The following GK5 variants were observed in gnomAD, a reference collection of about 807,000 sequenced individuals.
The protein encoded by GK5 is glycerol kinase 5.
In GK5, 39 loss-of-function variants were observed where a neutral mutation model predicts 77.3. The observed-to-expected ratio is 0.50, with a 90% CI of 0.39 to 0.66. The LOEUF (loss-of-function observed/expected upper bound fraction) is 0.66. GK5 is among the 30% of genes least tolerant of loss of function. The pLI is 0.00. For missense variants in GK5, 487 were observed against 633.8 expected, an observed-to-expected ratio of 0.77 and a Z score of 2.49; for synonymous variants, 211 against 208.0, an observed-to-expected ratio of 1.01 and a Z score of -0.13.
chr3:142,204,365 T>C (rs1214044136), intron 4 of GK5: 3 of 351,782 alleles, frequency 8.5e-6, no homozygotes, highest in South Asian at 4.8e-5. Context: ...TATCTCAATA[T>C]CCATCCTGAG....
chr3:142,184,921 C>A, intron 9 of GK5: 1 of 985,466 alleles, frequency 1.0e-6, no homozygotes, highest in Non-Finnish European at 1.2e-6. Context: ...ATACCTTAAT[C>A]TAACCCTGCA....
At position 142,220,767 on chromosome 3, in the gene GK5, T is replaced by C. The variant is rs571015710; in HGVS notation, c.147+4542A>G. On this transcript the variant is annotated intron_variant, in intron 1 of 15. Coordinates refer to ENST00000392993, the MANE Select transcript of GK5 (RefSeq NM_001039547.3). ...TATGAATGAACATATGAGTGAACTA[T>C]GAGAGTGATGCCCGTAAGCAAAGGG... Among the ~76,000 whole-genome samples, 20 of 152,244 alleles carry C rather than the reference T, an allele frequency of 1.3e-4. No homozygotes were observed. The South Asian group carries it at 3.7e-3, about 28-fold the overall frequency.
chr3:142,159,853 C>CTTTTTTTTTTTTTTTTTTTTTTTTTT lies in GK5; in HGVS notation c.*5768_*5769insAAAAAAAAAAAAAAAAAAAAAAAAAA, dbSNP rs748129972. On this transcript the variant is annotated 3_prime_UTR_variant, in exon 16 of 16. Transcript: ENST00000392993. ...TTTCTCTCTCTCTCTCTCTCTCTCT[C>CTTTTTTTTTTTTTTTTTTTTTTTTTT]TTTTTTTTTTTTGAGACAGAGTCTC... 1.9e-4 allele frequency: 20 copies of CTTTTTTTTTTTTTTTTTTTTTTTTTT among 106,120 alleles called. No homozygotes were observed. The highest frequency in any genetic ancestry group is 2.6e-4 in the East Asian group (1 of 3,868). 6.6% of individuals were successfully genotyped at this position (106,120 alleles called of 1,614,324 possible).
intron 9 of GK5, chr3:142,185,105 G>A: frequency 1.0e-6 from 1 of 985,356 alleles, no homozygotes; most frequent in Non-Finnish European, 1.2e-6. Context: ...AAGGCAATGT[G>A]AAAGGACTCT....
rs1177213537 is a variant in GK5, at chr3:142,159,629, T to C, written c.*5993A>G. ...ATTTATGGCTATGAGGCTTCAAAAC[T>C]TAAAAAAAAAAAAAAGATTCCTTTT... is the stretch of plus-strand genomic sequence containing the variant. On this transcript the variant is annotated 3_prime_UTR_variant, in exon 16 of 16. Coordinates refer to ENST00000392993, the MANE Select transcript of GK5 (RefSeq NM_001039547.3). The C allele has an allele frequency of 7.5e-6, 1 of 133,132 alleles. No individual in the cohort carries two copies. The highest frequency in any genetic ancestry group is 2.2e-4 in the South Asian group (1 of 4,458). 8.2% of individuals were successfully genotyped at this position (133,132 alleles called of 1,614,324 possible).
chr3:142,176,019 T>C (rs1343206569), intron 12 of GK5, among the ~76,000 whole-genome samples: 5 of 151,970 alleles, frequency 3.3e-5, no homozygotes, highest in Non-Finnish European at 7.4e-5. Context: ...ATTATTCATC[T>C]AACCTTTTTC....
At chr3:142,176,077 G>C (rs1052211397) in intron 12 of GK5, among the ~76,000 whole-genome samples, 56 of 151,868 alleles carry the variant, frequency 3.7e-4, no homozygotes, top group African/African-American at 1.4e-3. Context: ...GACTATGATA[G>C]GTGCTATTTA....
chr3:142,211,451 G>A (rs2064187119), intron 3 of GK5, among the ~76,000 whole-genome samples: 1 of 152,104 alleles, frequency 6.6e-6, no homozygotes, highest in South Asian at 2.1e-4. Flanking sequence ...AAGCACAGAG[G>A]AACTGCAGAT....
chr3:142,200,781 A>G (rs2064009876), intron 4 of GK5, among the ~76,000 whole-genome samples: 1 of 152,236 alleles, frequency 6.6e-6, no homozygotes, highest in Admixed American at 6.5e-5. Flanking sequence ...CTTCATTCAT[A>G]TATCTAATGA....
intron 5 of GK5, among the ~76,000 whole-genome samples, chr3:142,192,317 A>G (rs1313573512): frequency 6.6e-6 from 1 of 152,226 alleles, no homozygotes; most frequent in East Asian, 1.9e-4. Flanking sequence ...TTACAAAACT[A>G]AATGCAGTCT....
chr3:142,176,207 T>C (rs1053518763), intron 12 of GK5, among the ~76,000 whole-genome samples: 2 of 152,128 alleles, frequency 1.3e-5, no homozygotes, highest in Non-Finnish European at 2.9e-5. Flanking sequence ...TTTTAAAATC[T>C]AGTTTTGGAA....
chr3:142,172,363 T>C lies in GK5; in HGVS notation c.1237A>G (p.Ile413Val), dbSNP rs1410158310. 1.3e-6 allele frequency: 2 copies of C among 1,571,360 alleles called. No homozygotes were observed. Among genetic ancestry groups the C allele is most frequent in the Non-Finnish European group, 1.7e-6 (2 of 1,148,260 alleles). The change falls in exon 13 of 16, where the codon ATA (isoleucine) becomes GTA (valine). Residue 413 changes from isoleucine to valine, a missense_variant. Ile to Val is a conservative substitution (Grantham distance 29). Around this residue, in one of 4 missense-constraint regions of GK5, gnomAD observed 323 missense variants for 437.4 expected, o/e 0.74. Coordinates refer to ENST00000392993, the MANE Select transcript of GK5 (RefSeq NM_001039547.3). ...GGCAGGTTTTCATACCTGAAAGCTATTGACTCCAATATTGCTCGTACAAGA... is the reference window on the plus strand; with the variant it reads ...GGCAGGTTTTCATACCTGAAAGCTACTGACTCCAATATTGCTCGTACAAGA... ...YHLVRAILESIAFRNKQLYEM... is the reference protein window; with the variant it reads ...YHLVRAILESVAFRNKQLYEM...
In GK5 at chr3:142,165,528, T is replaced by C; in HGVS notation, c.*94A>G. 1.2e-6 allele frequency: 1 copy of C among 861,390 alleles called. No homozygotes were observed. 53.4% of individuals were successfully genotyped at this position (861,390 alleles called of 1,614,324 possible). Reference sequence around the variant, plus strand: ...ATGAAGCTTATTTAAAATTTTCTCCTCTTAGTCATTGTCATATGGGTTATC... The same window carrying C: ...ATGAAGCTTATTTAAAATTTTCTCCCCTTAGTCATTGTCATATGGGTTATC... On this transcript the variant is annotated 3_prime_UTR_variant, in exon 16 of 16. Coordinates refer to ENST00000392993, the MANE Select transcript of GK5 (RefSeq NM_001039547.3).
At chr3:142,217,806 A>G (rs2064292572) in intron 1 of GK5, among the ~76,000 whole-genome samples, 1 of 152,248 alleles carries the variant, frequency 6.6e-6, no homozygotes, top group Admixed American at 6.5e-5. Context: ...TGGATTTCTC[A>G]TCAGAACCAT....
rs576840064 is a variant in GK5, at chr3:142,196,159, G to C, written c.543+2643C>G. Among the ~76,000 whole-genome samples the C allele has an allele frequency of 9.2e-5, 14 of 152,030 alleles. No individual in the cohort carries two copies. The East Asian group carries it at 2.7e-3, about 29-fold the overall frequency. On this transcript the variant is annotated intron_variant, in intron 5 of 15. Coordinates refer to ENST00000392993, the MANE Select transcript of GK5 (RefSeq NM_001039547.3). The stretch of plus-strand genomic sequence containing the variant: ...CTATTAATCCTTTTTATTTCTGTGA[G>C]GTCAGTATTAATATCCATAATTTCA...
In GK5 at chr3:142,163,605, G is replaced by A. The variant is rs958360101; in HGVS notation, c.*2017C>T. On this transcript the variant is annotated 3_prime_UTR_variant, in exon 16 of 16. Coordinates refer to ENST00000392993, the MANE Select transcript of GK5 (RefSeq NM_001039547.3). The stretch of plus-strand genomic sequence containing the variant: ...ATCCTTTATTTTGTGGTTATATGTT[G>A]GGAAAGAAGAACGTGGAAAAGAAGT... 2 of 152,004 alleles carry A rather than the reference G, an allele frequency of 1.3e-5. No individual in the cohort carries two copies. Among genetic ancestry groups the A allele is most frequent in the Non-Finnish European group, 2.9e-5 (2 of 68,008 alleles). The allele number at this position is 152,004 out of a possible 1,614,324, so 9.4% of individuals were successfully genotyped here. A position where few individuals can be genotyped will look rare whatever the true frequency, so the allele number is the denominator to read the frequency against.
At chr3:142,206,243 G>A (rs537413247) in intron 3 of GK5, among the ~76,000 whole-genome samples, 1 of 152,250 alleles carries the variant, frequency 6.6e-6, no homozygotes, top group East Asian at 1.9e-4. Context: ...GTATCTGTTT[G>A]AGTCTTTGTT....
intron 3 of GK5, among the ~76,000 whole-genome samples, chr3:142,212,114 C>T (rs2107795922): frequency 6.6e-6 from 1 of 152,208 alleles, no homozygotes; most frequent in South Asian, 2.1e-4. Context: ...TCATCTTTTC[C>T]CCCTCTGCTC....
intron 11 of GK5, among the ~76,000 whole-genome samples, chr3:142,179,948 A>C (rs1011374450): frequency 5.3e-5 from 8 of 152,244 alleles, no homozygotes; most frequent in Admixed American, 4.6e-4. Flanking sequence ...CACTGAGTGC[A>C]GACATGAAAG....
Sources: allele counts gnomAD v4.1 joint callset (sites outside exome capture counted in the v4.1 genomes callset), GRCh38; gene constraint gnomAD v4.1.1; regional missense constraint gnomAD v4.1.1; transcripts MANE v1.5; gene names NCBI Gene and HGNC (gene_info 2026-07-23, HGNC 2026-07-21).